Variants in CDH13 observed in about 807,000 individuals in gnomAD.
CDH13 encodes the protein cadherin 13.
Under a neutral mutation model 63.8 loss-of-function variants are expected in CDH13, and 24 were observed. That is an observed-to-expected ratio of 0.38 (90% CI 0.27 to 0.53). The LOEUF is 0.53. Ranked by LOEUF, CDH13 falls within the 20% of genes least tolerant of loss-of-function variation. The pLI is 0.85. For synonymous variants in CDH13, 503 were observed against 355.3 expected (o/e 1.42, Z -4.67); for missense variants, 1,049 against 903.1 (o/e 1.16, Z -2.07).
Position 82,800,269 on chromosome 16 carries a change from C to A in CDH13, c.46-58093C>A, listed in dbSNP as rs181117345. ...GAATTATTGAATGAGGAAGTTGGGTCTCATTCAGTAGGTTAGGTCTCCTTT... is the reference window on the plus strand; with the variant it reads ...GAATTATTGAATGAGGAAGTTGGGTATCATTCAGTAGGTTAGGTCTCCTTT... On this transcript the variant is annotated intron_variant, in intron 1 of 13. Transcript: ENST00000567109. 5.4e-3 allele frequency among the ~76,000 whole-genome samples: 819 copies of A among 152,198 alleles called. 2 individuals carry two copies. The highest frequency in any genetic ancestry group is 9.4e-3 in the Non-Finnish European group (640 of 68,020).
At chr16:83,031,659 C>G (rs1244578537) in intron 2 of CDH13, among the ~76,000 whole-genome samples, 1 of 151,986 alleles carries the variant, frequency 6.6e-6, no homozygotes, top group East Asian at 1.9e-4. Context: ...TCCTGAGCAC[C>G]CTGTGGTTCT....
chr16:83,528,411 T>A (rs1189164436), intron 7 of CDH13, among the ~76,000 whole-genome samples: 1 of 152,166 alleles, frequency 6.6e-6, no homozygotes, highest in African/African-American at 2.4e-5. Flanking sequence ...TCTGTTGCAG[T>A]TGGGCGGTCT....
chr16:83,327,447 G>A (rs562258813), intron 5 of CDH13, among the ~76,000 whole-genome samples: 2 of 152,222 alleles, frequency 1.3e-5, no homozygotes, highest in South Asian at 4.1e-4. Flanking sequence ...CAGAAAAAAG[G>A]GACTTCTTTA....
At chr16:83,697,151 C>T (rs565720510) in intron 10 of CDH13, among the ~76,000 whole-genome samples, 2 of 152,274 alleles carry the variant, frequency 1.3e-5, no homozygotes, top group African/African-American at 4.8e-5. Flanking sequence ...TTTGTCACCC[C>T]AACATTAATA....
intron 6 of CDH13, among the ~76,000 whole-genome samples, chr16:83,371,450 A>T (rs1195047768): frequency 6.6e-6 from 1 of 152,128 alleles, no homozygotes; most frequent in Non-Finnish European, 1.5e-5. Context: ...TGGCATACTT[A>T]TACTTTCTGA....
chr16:83,095,488 G>A (rs991962878), intron 3 of CDH13, among the ~76,000 whole-genome samples: 12 of 152,240 alleles, frequency 7.9e-5, no homozygotes, highest in Admixed American at 3.3e-4. Flanking sequence ...TTTGGACACT[G>A]GTATATCCTC....
chr16:82,889,160 C>A (rs1427806902), intron 2 of CDH13, among the ~76,000 whole-genome samples: 1 of 152,150 alleles, frequency 6.6e-6, no homozygotes, highest in Admixed American at 6.5e-5. Context: ...AGTATTCTTT[C>A]CTTTTGTTCA....
At chr16:83,416,852 A>G (rs66924542) in intron 6 of CDH13, among the ~76,000 whole-genome samples, 21,447 of 152,222 alleles carry the variant, frequency 0.14, 1,991 homozygotes, top group Non-Finnish European at 0.21. Flanking sequence ...TCTCATCAGT[A>G]AGATGGGGAT....
chr16:83,776,266 A>G (rs921464793), intron 11 of CDH13, among the ~76,000 whole-genome samples: 3 of 152,258 alleles, frequency 2.0e-5, no homozygotes, highest in African/African-American at 4.8e-5. Flanking sequence ...TGTCTTCATA[A>G]TATATTCAGA....
At chr16:83,455,713 T>G (rs1304874632) in intron 6 of CDH13, among the ~76,000 whole-genome samples, 2 of 152,064 alleles carry the variant, frequency 1.3e-5, no homozygotes, top group African/African-American at 2.4e-5. Context: ...ATTGGCGGAG[T>G]GGGTGGACAC....
intron 5 of CDH13, among the ~76,000 whole-genome samples, chr16:83,263,572 A>AAAAAC (rs930390779): frequency 6.6e-6 from 1 of 152,220 alleles, no homozygotes. Context: ...TTGATATAAA[A>AAAAAC]AAAACAAAAC....
chr16:83,605,660 C>G (rs74463323), intron 8 of CDH13, among the ~76,000 whole-genome samples: 1 of 152,010 alleles, frequency 6.6e-6, no homozygotes, highest in Non-Finnish European at 1.5e-5. Context: ...GATGACACCG[C>G]TGATGAGGAT....
chr16:82,782,194 G>C (rs542110000), intron 1 of CDH13, among the ~76,000 whole-genome samples: 1 of 152,156 alleles, frequency 6.6e-6, no homozygotes, highest in African/African-American at 2.4e-5. Context: ...GCTGAAGTAG[G>C]GGCTCAGAAA....
At chr16:83,010,346 C>G (rs180854855) in intron 2 of CDH13, among the ~76,000 whole-genome samples, 1 of 152,008 alleles carries the variant, frequency 6.6e-6, no homozygotes, top group Admixed American at 6.6e-5. Flanking sequence ...TAATACCCCT[C>G]CCACCTGCAT....
rs144680388 is a variant in CDH13 at position 83,532,267 on chromosome 16, C to T, written c.960+45612C>T. On this transcript the variant is annotated intron_variant, in intron 7 of 13. Coordinates refer to ENST00000567109, the MANE Select transcript of CDH13 (RefSeq NM_001257.5). The stretch of plus-strand genomic sequence containing the variant: ...CAGTGTGAAAACAGACTAGTACAAG[C>T]TCATACAGTGTAGAAGTCACTCCTC... Among the ~76,000 whole-genome samples the T allele has an allele frequency of 2.3e-3, 354 of 152,242 alleles. 2 individuals carry two copies. Among genetic ancestry groups the T allele is most frequent in the African/African-American group, 8.1e-3 (336 of 41,544 alleles).
At chr16:83,675,902 C>T (rs1291806525) in intron 9 of CDH13, among the ~76,000 whole-genome samples, 1 of 152,212 alleles carries the variant, frequency 6.6e-6, no homozygotes, top group African/African-American at 2.4e-5. Flanking sequence ...TCAATTCATT[C>T]ATTCATTCAT....
intron 1 of CDH13, among the ~76,000 whole-genome samples, chr16:82,720,642 C>G (rs1436619164): frequency 6.6e-6 from 1 of 151,888 alleles, no homozygotes; most frequent in Non-Finnish European, 1.5e-5. Flanking sequence ...AATGTACAAA[C>G]TCCACACACA....
chr16:82,979,476 G>A (rs548377741), intron 2 of CDH13, among the ~76,000 whole-genome samples: 24 of 152,224 alleles, frequency 1.6e-4, no homozygotes, highest in African/African-American at 5.5e-4. Flanking sequence ...GATCATGGGG[G>A]TGGTTACCCT....
intron 5 of CDH13, among the ~76,000 whole-genome samples, chr16:83,302,125 T>C (rs1021707322): frequency 2.0e-5 from 3 of 152,196 alleles, no homozygotes; most frequent in African/African-American, 7.2e-5. Context: ...CAGAGAATGC[T>C]TAACAGAGTT....
Sources: gnomAD v4.1 joint callset for allele counts (sites outside exome capture counted in the v4.1 genomes callset) on GRCh38, gnomAD v4.1.1 for gene constraint, MANE v1.5 for transcripts, NCBI Gene and HGNC (gene_info 2026-07-23, HGNC 2026-07-21) for gene names.